The following NRXN3 variants were observed in gnomAD, a reference collection of about 807,000 sequenced individuals.
NRXN3 encodes the protein neurexin III.
Under a neutral mutation model 137.6 loss-of-function variants are expected in NRXN3, and 32 were observed. The observed-to-expected ratio is 0.23, with a 90% CI of 0.18 to 0.31. The LOEUF (loss-of-function observed/expected upper bound fraction) is 0.31. NRXN3 is among the 10% of genes least tolerant of loss of function. The pLI, the probability that NRXN3 is intolerant of heterozygous loss-of-function variation, is 1.00. For synonymous variants in NRXN3, 798 were observed against 784.5 expected (o/e 1.02, Z -0.29); for missense variants, 1,574 against 2,062.5 (o/e 0.76, Z 4.59).
chr14:79,527,293 CAAAA>C (rs397954192), intron 16 of NRXN3, among the ~76,000 whole-genome samples: 8 of 58,670 alleles, frequency 1.4e-4, no homozygotes, highest in South Asian at 9.2e-4. Context: ...GACTCTGTCT[CAAAA>C]AAAAAAAAAA....
At chr14:79,832,745 C>T (rs763837252) in intron 20 of NRXN3, among the ~76,000 whole-genome samples, 12 of 152,092 alleles carry the variant, frequency 7.9e-5, no homozygotes, top group Non-Finnish European at 1.6e-4. Flanking sequence ...CTCAACCCCA[C>T]ATTTTGTTTA....
At chr14:78,929,518 T>G (rs1226819425) in intron 10 of NRXN3, among the ~76,000 whole-genome samples, 1 of 152,170 alleles carries the variant, frequency 6.6e-6, no homozygotes, top group Non-Finnish European at 1.5e-5. Flanking sequence ...CCATCCATGA[T>G]CCTGTAAAGG....
intron 15 of NRXN3, among the ~76,000 whole-genome samples, chr14:79,376,099 C>A (rs141539295): frequency 6.8e-6 from 1 of 146,858 alleles, no homozygotes; most frequent in African/African-American, 2.5e-5. Context: ...TCATCATCAT[C>A]ATATACACGT....
intron 3 of NRXN3, among the ~76,000 whole-genome samples, chr14:78,284,336 T>C (rs1166600465): frequency 1.3e-5 from 2 of 152,138 alleles, no homozygotes; most frequent in African/African-American, 4.8e-5. Context: ...TTGCTTCAAG[T>C]TGTCCCGCCT....
At chr14:78,906,910 G>A (rs373120073) in intron 10 of NRXN3, among the ~76,000 whole-genome samples, 22 of 151,974 alleles carry the variant, frequency 1.4e-4, no homozygotes, top group African/African-American at 2.9e-4. Context: ...GTGACTTGGG[G>A]CATGTGCTCA....
At chr14:78,774,118 A>C (rs909794216) in intron 8 of NRXN3, among the ~76,000 whole-genome samples, 1 of 152,192 alleles carries the variant, frequency 6.6e-6, no homozygotes, top group African/African-American at 2.4e-5. Flanking sequence ...TCTTATTTGC[A>C]TGCTTTATAC....
intron 1 of NRXN3, among the ~76,000 whole-genome samples, chr14:78,192,218 A>G (rs573222924): frequency 1.3e-5 from 2 of 152,226 alleles, no homozygotes; most frequent in Admixed American, 1.3e-4. Context: ...AATACTGCTC[A>G]GATGTTAAAC....
intron 4 of NRXN3, among the ~76,000 whole-genome samples, chr14:78,562,277 G>C (rs1443113391): frequency 2.0e-5 from 3 of 151,458 alleles, no homozygotes; most frequent in African/African-American, 7.3e-5. Context: ...CACCCCTGTA[G>C]TCCCGGCTAC....
intron 15 of NRXN3, among the ~76,000 whole-genome samples, chr14:79,035,544 G>A (rs1001824575): frequency 3.3e-5 from 5 of 152,010 alleles, no homozygotes; most frequent in Non-Finnish European, 5.9e-5. Flanking sequence ...TACTTATACA[G>A]CATCTTAATC....
chr14:78,326,430 T>A (rs907515263), intron 4 of NRXN3, among the ~76,000 whole-genome samples: 1 of 152,160 alleles, frequency 6.6e-6, no homozygotes, highest in African/African-American at 2.4e-5. Flanking sequence ...GTTGGTTATG[T>A]TTTCCACAGC....
chr14:78,224,750 CTTTTTTTTTTT>C (rs35800837), intron 1 of NRXN3, among the ~76,000 whole-genome samples: 17 of 64,828 alleles, frequency 2.6e-4, no homozygotes, highest in Admixed American at 1.7e-3. Flanking sequence ...GTGCATGTGT[CTTTTTTTTTTT>C]TTTTTTTTTT....
chr14:79,212,915 C>T lies in NRXN3; in HGVS notation c.3262+224774C>T, dbSNP rs183149333. 7.8e-4 allele frequency among the ~76,000 whole-genome samples: 118 copies of T among 151,696 alleles called. 1 individual carries two copies. The highest frequency in any genetic ancestry group is 2.5e-4 in the Non-Finnish European group (17 of 67,958). ...TGAGGGACAAAAGTTCTGTAGAACA[C>T]GCTTTGGAGAGTATTGGGATAGATT... is the stretch of plus-strand genomic sequence containing the variant. On this transcript the variant is annotated intron_variant, in intron 15 of 20. Coordinates refer to ENST00000335750, the MANE Select transcript of NRXN3 (RefSeq NM_001330195.2).
At chr14:79,246,734 G>T (rs1485313904) in intron 15 of NRXN3, 3 of 152,118 alleles carry the variant, frequency 2.0e-5, no homozygotes, top group Non-Finnish European at 4.4e-5. Context: ...CAGATGATGA[G>T]TTTTGTTTTC....
chr14:79,736,643 C>T (rs1236826629), intron 19 of NRXN3, among the ~76,000 whole-genome samples: 1 of 152,124 alleles, frequency 6.6e-6, no homozygotes, highest in Non-Finnish European at 1.5e-5. Context: ...ACCAGGGGGC[C>T]ATCGCGAGTG....
intron 15 of NRXN3, among the ~76,000 whole-genome samples, chr14:79,269,944 T>C (rs1000348601): frequency 5.3e-5 from 8 of 152,218 alleles, no homozygotes; most frequent in Non-Finnish European, 1.0e-4. Context: ...AAGTTTAAGA[T>C]TCCTCACCTC....
At chr14:78,715,193 C>T in intron 8 of NRXN3, 54 bp downstream of exon 8, 1 of 1,566,640 alleles carries the variant, frequency 6.4e-7, no homozygotes, top group Non-Finnish European at 8.6e-7. Flanking sequence ...TGATGTGTTA[C>T]AGTTGGATCC....
chr14:78,575,479 A>G (rs17756842), intron 4 of NRXN3, among the ~76,000 whole-genome samples: 7,877 of 152,294 alleles, frequency 0.052, 276 homozygotes, highest in Middle Eastern at 0.14. Flanking sequence ...AAAATTTTTC[A>G]CTAGAATGCT....
intron 15 of NRXN3, among the ~76,000 whole-genome samples, chr14:79,324,765 C>T (rs1169045470): frequency 1.3e-5 from 2 of 152,154 alleles, no homozygotes; most frequent in Non-Finnish European, 2.9e-5. Context: ...CCTAATATTT[C>T]ATCTAATAGC....
At chr14:78,229,230 T>G (rs983085678) in intron 1 of NRXN3, among the ~76,000 whole-genome samples, 3 of 151,972 alleles carry the variant, frequency 2.0e-5, no homozygotes, top group Non-Finnish European at 2.9e-5. Flanking sequence ...CTCCTACTTC[T>G]GCAGAGAAGC....
Sources: allele counts gnomAD v4.1 joint callset (sites outside exome capture counted in the v4.1 genomes callset), GRCh38; gene constraint gnomAD v4.1.1; transcripts MANE v1.5; gene names NCBI Gene and HGNC (gene_info 2026-07-23, HGNC 2026-07-21).